Variants in JAK2 observed in about 807,000 individuals in gnomAD.
JAK2 encodes Janus kinase 2.
JAK2 carries 86 observed loss-of-function variants against 139.3 expected under a neutral mutation model. That is an observed-to-expected ratio of 0.62 (90% CI 0.52 to 0.74). The LOEUF (loss-of-function observed/expected upper bound fraction) is 0.74. JAK2 is among the 30% of genes least tolerant of loss of function. The pLI is 0.00. For synonymous variants in JAK2, 490 were observed against 437.7 expected (o/e 1.12, Z -1.49); for missense variants, 1,421 against 1,360.3 (o/e 1.04, Z -0.70).
intron 23 of JAK2, among the ~76,000 whole-genome samples, chr9:5,123,363 T>G (rs1007982182): frequency 6.6e-6 from 1 of 151,976 alleles, no homozygotes; most frequent in Non-Finnish European, 1.5e-5. Context: ...TCTACGTTCA[T>G]GTGTATACAT....
chr9:5,055,912 T>G, intron 8 of JAK2, 124 bp downstream of exon 8: 2 of 800,156 alleles, frequency 2.5e-6, no homozygotes, highest in South Asian at 3.8e-5. Context: ...AATATAACTC[T>G]AAACATCAGT....
rs528928978 is a variant in JAK2, at chr9:5,044,622, A to C, written c.468+102A>C. On this transcript the variant is annotated intron_variant, in intron 5 of 24. Coordinates refer to ENST00000381652, the MANE Select transcript of JAK2 (RefSeq NM_004972.4). Reference sequence around the variant, plus strand: ...AAAACTTTACATATGGGAAAATTGCAGTTCTGTCTTGCACAGCAGGTGCAG... The same window carrying C: ...AAAACTTTACATATGGGAAAATTGCCGTTCTGTCTTGCACAGCAGGTGCAG... 48 of 690,604 alleles carry C rather than the reference A, an allele frequency of 7.0e-5. No homozygotes were observed. The African/African-American group carries it at 7.9e-4, about 11-fold the overall frequency. 42.8% of individuals were successfully genotyped at this position (690,604 alleles called of 1,614,324 possible). A position where few individuals can be genotyped will look rare whatever the true frequency, so the allele number is the denominator to read the frequency against.
chr9:5,031,719 A>G (rs891746864), intron 4 of JAK2, among the ~76,000 whole-genome samples: 1 of 152,234 alleles, frequency 6.6e-6, no homozygotes, highest in African/African-American at 2.4e-5. Context: ...TGCAATTGTC[A>G]ACTATAAAAA....
chr9:4,987,176 G>C (rs4322058), intron 2 of JAK2, among the ~76,000 whole-genome samples: 1 of 152,184 alleles, frequency 6.6e-6, no homozygotes, highest in Non-Finnish European at 1.5e-5. Flanking sequence ...CTGGCCAGAA[G>C]AGCACACCAT....
intron 5 of JAK2, among the ~76,000 whole-genome samples, chr9:5,048,419 G>C (rs1817180418): frequency 6.6e-6 from 1 of 152,170 alleles, no homozygotes; most frequent in Non-Finnish European, 1.5e-5. Context: ...GGGATTACAG[G>C]TGTGAGCCAC....
At chr9:5,120,378 C>G (rs1823523963) in intron 22 of JAK2, among the ~76,000 whole-genome samples, 2 of 152,180 alleles carry the variant, frequency 1.3e-5, no homozygotes, top group Non-Finnish European at 2.9e-5. Flanking sequence ...AATCTGAAGT[C>G]TGAAAGAACT....
chr9:4,985,173 G>A (rs1180164063), upstream of JAK2: 1 of 152,452 alleles, frequency 6.6e-6, no homozygotes, highest in Non-Finnish European at 1.5e-5. Context: ...TTGAGAAGAC[G>A]GTGTGGCCCC....
chr9:5,022,434 G>C (rs1822489867), intron 3 of JAK2, among the ~76,000 whole-genome samples: 1 of 152,032 alleles, frequency 6.6e-6, no homozygotes, highest in African/African-American at 2.4e-5. Context: ...GCCCATAAAT[G>C]TTTGCTGACT....
chr9:5,039,207 A>T (rs1816307064), intron 4 of JAK2, among the ~76,000 whole-genome samples: 1 of 152,150 alleles, frequency 6.6e-6, no homozygotes, highest in Admixed American at 6.5e-5. Context: ...GGAAAATAAG[A>T]AGTAAAATTG....
chr9:5,064,536 AAAAAGAAAAAAGG>A (rs1288731326), intron 8 of JAK2, among the ~76,000 whole-genome samples: 1 of 152,092 alleles, frequency 6.6e-6, no homozygotes, highest in African/African-American at 2.4e-5. Context: ...AAAAAAAAAA[AAAAAGAAAAAAGG>A]AAATGCTCAT....
At chr9:5,045,493 A>G (rs1467290694) in intron 5 of JAK2, among the ~76,000 whole-genome samples, 2 of 152,234 alleles carry the variant, frequency 1.3e-5, no homozygotes, top group Non-Finnish European at 2.9e-5. Context: ...TTGCTGTACA[A>G]CCATCACCAC....
chr9:5,099,030 C>A (rs529634021), intron 22 of JAK2: 2 of 152,140 alleles, frequency 1.3e-5, no homozygotes, highest in African/African-American at 4.8e-5. Flanking sequence ...CAACACCAGA[C>A]TTAAAACCAG....
Position 5,054,507 on chromosome 9 carries a change from T to A in JAK2, c.615-56T>A. 7.1e-7 allele frequency: 1 copy of A among 1,408,368 alleles called. No homozygotes were observed. Among genetic ancestry groups the A allele is most frequent in the South Asian group, 1.4e-5 (1 of 70,970 alleles). 87.2% of individuals were successfully genotyped at this position (1,408,368 alleles called of 1,614,324 possible). A position where few individuals can be genotyped will look rare whatever the true frequency, so the allele number is the denominator to read the frequency against. On this transcript the variant is annotated intron_variant, in intron 6 of 24. Transcript: ENST00000381652. This position sits in a 1 kb window ranked among gnomAD's most constrained non-coding sequence, Gnocchi z 4.9. ...GTAACTTCTTTTTCAATTTTTAGAT[T>A]TATCTTCCAATTTTTGTTTTGTTTT...
At chr9:5,095,797 C>A (rs991022277) in intron 22 of JAK2, among the ~76,000 whole-genome samples, 6 of 152,214 alleles carry the variant, frequency 3.9e-5, no homozygotes, top group African/African-American at 1.2e-4. Flanking sequence ...TTGAATGATC[C>A]CAGTACTAAC....
At chr9:5,107,867 T>C (rs541521156) in intron 22 of JAK2, 1 of 152,182 alleles carries the variant, frequency 6.6e-6, no homozygotes, top group Non-Finnish European at 1.5e-5. Flanking sequence ...CCTTGCCTTA[T>C]TAGTTTCAAT....
At chr9:5,084,706 ATT>A (rs954263016) in intron 19 of JAK2, among the ~76,000 whole-genome samples, 1 of 152,164 alleles carries the variant, frequency 6.6e-6, no homozygotes, top group African/African-American at 2.4e-5. Context: ...AACATGGATT[ATT>A]TGTGTAATAG....
chr9:5,018,143 G>T (rs1822191735), intron 2 of JAK2, among the ~76,000 whole-genome samples: 6 of 152,080 alleles, frequency 3.9e-5, no homozygotes, highest in Admixed American at 3.9e-4. Context: ...TTTATTAATT[G>T]ATTTCTGGTT....
At chr9:5,052,843 G>A (rs1817514901) in intron 6 of JAK2, among the ~76,000 whole-genome samples, 1 of 151,700 alleles carries the variant, frequency 6.6e-6, no homozygotes. Context: ...TCTTTTTATT[G>A]CTGAATCATT....
intron 22 of JAK2, among the ~76,000 whole-genome samples, chr9:5,104,301 C>G (rs999384009): frequency 1.3e-5 from 2 of 152,286 alleles, no homozygotes; most frequent in Non-Finnish European, 2.9e-5. Flanking sequence ...CACAAATAAA[C>G]TAGAAAATCT....
Sources: gnomAD v4.1 joint callset for allele counts (sites outside exome capture counted in the v4.1 genomes callset) on GRCh38, gnomAD v4.1.1 for gene constraint, Gnocchi (gnomAD v3.1) non-coding constraint, MANE v1.5 for transcripts, NCBI Gene and HGNC (gene_info 2026-07-23, HGNC 2026-07-21) for gene names.